The following DEPTOR variants were observed in gnomAD, a reference collection of about 807,000 sequenced individuals.
DEPTOR encodes DEP domain-containing mTOR-interacting protein.
A neutral mutation model predicts 41.6 loss-of-function variants in DEPTOR; 41 were observed. The observed-to-expected ratio is 0.98, with a 90% CI of 0.77 to 1.28. DEPTOR has a LOEUF of 1.28. DEPTOR is among the 50% of genes most tolerant of loss of function. The probability of loss-of-function intolerance (pLI) is 0.00; values close to 1 mark genes in which losing one functional copy is unlikely to be tolerated. For missense variants in DEPTOR, 514 were observed against 527.9 expected, an observed-to-expected ratio of 0.97 and a Z score of 0.26; for synonymous variants, 195 against 192.3, an observed-to-expected ratio of 1.01 and a Z score of -0.12.
At position 119,888,532 on chromosome 8, in the gene DEPTOR, A is replaced by G. The variant is rs116430140; in HGVS notation, c.122+14564A>G. Among the ~76,000 whole-genome samples, 1,131 of 152,266 alleles carry G rather than the reference A, an allele frequency of 7.4e-3. 10 individuals carry two copies. The highest frequency in any genetic ancestry group is 0.025 in the African/African-American group (1,033 of 41,544). On this transcript the variant is annotated intron_variant, in intron 1 of 8. Transcript: ENST00000286234. ...TCATCACTAGTTTGATAAACAGTCA[A>G]CAATCAACAATCTTGATGGATAAAC...
chr8:119,895,825 G>A (rs1259684104), intron 1 of DEPTOR, among the ~76,000 whole-genome samples: 1 of 152,080 alleles, frequency 6.6e-6, no homozygotes, highest in Non-Finnish European at 1.5e-5. Context: ...CCAGGAAGAG[G>A]CATACCATTA....
intron 1 of DEPTOR, among the ~76,000 whole-genome samples, chr8:119,883,051 C>T (rs1035616001): frequency 6.6e-6 from 1 of 151,888 alleles, no homozygotes; most frequent in Non-Finnish European, 1.5e-5. Flanking sequence ...CAAGGTGGTA[C>T]CTTCAGGATC....
chr8:119,936,171 T>G (rs1029653323), intron 3 of DEPTOR, among the ~76,000 whole-genome samples: 2 of 152,166 alleles, frequency 1.3e-5, no homozygotes, highest in African/African-American at 2.4e-5. Flanking sequence ...ACTGCTTCCT[T>G]CAATTTCTTT....
Position 120,049,776 on chromosome 8 carries a change from A to G in DEPTOR, c.*72A>G. The G allele has an allele frequency of 6.3e-7, 1 of 1,577,180 alleles. No homozygotes were observed. The highest frequency in any genetic ancestry group is 1.7e-5 in the Admixed American group (1 of 57,152). On this transcript the variant is annotated 3_prime_UTR_variant, in exon 9 of 9. Coordinates refer to ENST00000286234, the MANE Select transcript of DEPTOR (RefSeq NM_022783.4). ...CAGAATGACACAAAGCAATGCAAAG[A>G]CAAGATTGCCATGCAAATGGATGGT...
At chr8:119,909,053 T>G (rs2129779258) in intron 1 of DEPTOR, among the ~76,000 whole-genome samples, 1 of 152,340 alleles carries the variant, frequency 6.6e-6, no homozygotes, top group South Asian at 2.1e-4. Flanking sequence ...AGTGAGAGTT[T>G]GTCGTATTGG....
In DEPTOR at chr8:120,050,219, C is replaced by T. The variant is rs1055880341; in HGVS notation, c.*515C>T. ...TAGCATTTTCAAGGGGGTTCTAAAG[C>T]ATTCAAGTGCTTAAAAGCCATAAAA... On this transcript the variant is annotated 3_prime_UTR_variant, in exon 9 of 9. Coordinates refer to ENST00000286234, the MANE Select transcript of DEPTOR (RefSeq NM_022783.4). 2.6e-5 allele frequency: 4 copies of T among 151,868 alleles called. No individual in the cohort carries two copies. Among genetic ancestry groups the T allele is most frequent in the Non-Finnish European group, 5.9e-5 (4 of 68,010 alleles). The allele number at this position is 151,868 out of a possible 1,614,324, so 9.4% of individuals were successfully genotyped here.
chr8:119,902,905 G>A (rs931593177), intron 1 of DEPTOR, among the ~76,000 whole-genome samples: 5 of 147,014 alleles, frequency 3.4e-5, no homozygotes, highest in African/African-American at 1.0e-4. Context: ...AATTTAGAGT[G>A]AATCATCAAA....
intron 8 of DEPTOR, among the ~76,000 whole-genome samples, chr8:120,035,720 T>G (rs1229449595): frequency 6.6e-6 from 1 of 152,146 alleles, no homozygotes; most frequent in East Asian, 1.9e-4. Flanking sequence ...TTAGTAGAGA[T>G]GGGGTTTCGC....
Position 120,049,692 on chromosome 8 carries a change from G to A in DEPTOR, c.1218G>A (p.Glu406=), listed in dbSNP as rs1362759013. Residue 406 remains glutamate (E), a synonymous_variant, in exon 9 of 9, where the codon GAG becomes GAA. Transcript: ENST00000286234. ...CGATTGTCATGGAAGTCATGGAGGA[G>A]TTAGAGTGCTGAGCTCCTGGGCCTC... ...PRTIVMEVME[E]LEC is the part of the protein sequence containing the mutation. The A allele has an allele frequency of 4.3e-6, 7 of 1,613,940 alleles. No individual in the cohort carries two copies. The highest frequency in any genetic ancestry group is 5.1e-6 in the Non-Finnish European group (6 of 1,179,868).
At chr8:119,953,361 T>G (rs1828377185) in intron 3 of DEPTOR, among the ~76,000 whole-genome samples, 1 of 152,136 alleles carries the variant, frequency 6.6e-6, no homozygotes, top group South Asian at 2.1e-4. Context: ...GGCAGGCAGA[T>G]CACTTGAGGT....
intron 3 of DEPTOR, among the ~76,000 whole-genome samples, chr8:119,958,379 G>A (rs1412820695): frequency 6.6e-6 from 1 of 152,172 alleles, no homozygotes; most frequent in Admixed American, 6.5e-5. Context: ...GGCAAAGGTG[G>A]AAGTTGTAAG....
chr8:119,973,166 C>T (rs1259991893), intron 4 of DEPTOR, among the ~76,000 whole-genome samples: 1 of 151,680 alleles, frequency 6.6e-6, no homozygotes, highest in African/African-American at 2.4e-5. Flanking sequence ...CTCGAACTCC[C>T]GACCTCAGGT....
chr8:120,006,941 A>ATG, intron 7 of DEPTOR, 66 bp downstream of exon 7: 1 of 1,456,880 alleles, frequency 6.9e-7, no homozygotes, highest in East Asian at 2.3e-5. Flanking sequence ...CCATGTGTCA[A>ATG]TGGGTAGCTT....
chr8:119,973,126 A>C (rs1221576170), intron 4 of DEPTOR, among the ~76,000 whole-genome samples: 1 of 151,340 alleles, frequency 6.6e-6, no homozygotes. Context: ...TTTAGTAGAG[A>C]CAGTGTTTCT....
At chr8:119,910,364 G>A (rs990416513) in intron 1 of DEPTOR, among the ~76,000 whole-genome samples, 3 of 152,262 alleles carry the variant, frequency 2.0e-5, no homozygotes, top group South Asian at 2.1e-4. Context: ...ATTTTATTAC[G>A]CAGCCCTGGG....
chr8:119,955,136 G>A (rs1466094871), intron 3 of DEPTOR, among the ~76,000 whole-genome samples: 2 of 152,138 alleles, frequency 1.3e-5, no homozygotes, highest in African/African-American at 2.4e-5. Flanking sequence ...GGGATTACAG[G>A]CATGAGCCAC....
chr8:119,967,999 T>C (rs1828585016), intron 4 of DEPTOR, among the ~76,000 whole-genome samples: 1 of 152,094 alleles, frequency 6.6e-6, no homozygotes, highest in African/African-American at 2.4e-5. Flanking sequence ...CTCACAGCTG[T>C]CTGTTGGTGG....
At chr8:119,966,272 C>G (rs930109986) in intron 4 of DEPTOR, among the ~76,000 whole-genome samples, 3 of 152,136 alleles carry the variant, frequency 2.0e-5, no homozygotes, top group Non-Finnish European at 4.4e-5. Flanking sequence ...CAAGACCAGC[C>G]TGGCCAACAT....
intron 6 of DEPTOR, among the ~76,000 whole-genome samples, chr8:120,003,625 AT>A (rs11298098): frequency 0.15 from 23,063 of 151,568 alleles, 2,835 homozygotes; most frequent in African/African-American, 0.34. Flanking sequence ...CAGCCGATGC[AT>A]AAGATCTGTT....
Sources: gnomAD v4.1 joint callset for allele counts (sites outside exome capture counted in the v4.1 genomes callset) on GRCh38, gnomAD v4.1.1 for gene constraint, MANE v1.5 for transcripts, NCBI Gene and HGNC (gene_info 2026-07-23, HGNC 2026-07-21) for gene names.